The following CACNA1E variants were observed in gnomAD, a reference collection of about 807,000 sequenced individuals.
CACNA1E encodes calcium voltage-gated channel subunit alpha1 E, also known as voltage-dependent R-type calcium channel subunit alpha-1E.
Under a neutral mutation model 259.2 loss-of-function variants are expected in CACNA1E, and 40 were observed. That is an observed-to-expected ratio of 0.15 (90% CI 0.12 to 0.20). The LOEUF is 0.20. Among genes scored for constraint, CACNA1E ranks in the 10% least tolerant of loss-of-function variants. The pLI is 1.00. For synonymous variants in CACNA1E, 1,104 were observed against 1,138.5 expected (o/e 0.97, Z 0.61); for missense variants, 1,874 against 3,040.1 (o/e 0.62, Z 9.02).
In CACNA1E at chr1:181,800,881, A is replaced by G. The variant is rs913314343; in HGVS notation, c.*2047A>G. Reference sequence around the variant, plus strand: ...CAGCCCCCAAACCAAAGTTGTCCCAACAGAGGAGGCCAGTGAGGCAGAGAC... The same window carrying G: ...CAGCCCCCAAACCAAAGTTGTCCCAGCAGAGGAGGCCAGTGAGGCAGAGAC... On this transcript the variant is annotated 3_prime_UTR_variant, in exon 48 of 48. Transcript: ENST00000367573. 6.5e-6 allele frequency: 1 copy of G among 152,680 alleles called. No individual in the cohort carries two copies. The highest frequency in any genetic ancestry group is 2.4e-5 in the African/African-American group (1 of 41,456). The allele number at this position is 152,680 out of a possible 1,614,324, so 9.5% of individuals were successfully genotyped here. A position where few individuals can be genotyped will look rare whatever the true frequency, so the allele number is the denominator to read the frequency against.
At position 181,781,637 on chromosome 1, in the gene CACNA1E, A is replaced by G. The variant is rs1572882290; in HGVS notation, c.5364+114A>G. 8.7e-6 allele frequency: 6 copies of G among 687,798 alleles called. No homozygotes were observed. The East Asian group carries it at 1.6e-4, about 19-fold the overall frequency. 42.6% of individuals were successfully genotyped at this position (687,798 alleles called of 1,614,324 possible). ...GGCTGGGGAGGTGGAGGAGGGAACT[A>G]AGGAGGAAAGGCACGATGAGACTGA... On this transcript the variant is annotated intron_variant, in intron 39 of 47. Transcript: ENST00000367573.
At chr1:181,694,015 A>G (rs974717659) in intron 7 of CACNA1E, among the ~76,000 whole-genome samples, 4 of 152,176 alleles carry the variant, frequency 2.6e-5, no homozygotes, top group Non-Finnish European at 2.9e-5. Flanking sequence ...ACACTTCTCA[A>G]CTCATTTGAT....
At chr1:181,360,293 T>C (rs889875644) in intron 1 of CACNA1E, among the ~76,000 whole-genome samples, 2 of 152,160 alleles carry the variant, frequency 1.3e-5, no homozygotes, top group Non-Finnish European at 2.9e-5. Context: ...CAAAAACTGG[T>C]ACATGCCTGT....
At chr1:181,651,682 A>G (rs988249464) in intron 7 of CACNA1E, 2 of 352,024 alleles carry the variant, frequency 5.7e-6, no homozygotes, top group African/African-American at 4.2e-5. Flanking sequence ...TGAACACAGT[A>G]TGTAGTGAGA....
chr1:181,721,223 G>A (rs968710492), intron 15 of CACNA1E, among the ~76,000 whole-genome samples: 1 of 152,072 alleles, frequency 6.6e-6, no homozygotes, highest in Non-Finnish European at 1.5e-5. Flanking sequence ...TATTTAACAA[G>A]GTCTCTTTTC....
At chr1:181,406,386 G>C (rs982619918) in intron 1 of CACNA1E, among the ~76,000 whole-genome samples, 1 of 151,976 alleles carries the variant, frequency 6.6e-6, no homozygotes, top group African/African-American at 2.4e-5. Flanking sequence ...ACTTTATGAT[G>C]TATCTACCTT....
intron 1 of CACNA1E, among the ~76,000 whole-genome samples, chr1:181,361,552 G>T (rs1230569220): frequency 1.3e-5 from 2 of 152,146 alleles, no homozygotes; most frequent in Admixed American, 6.5e-5. Context: ...CCTGGGCAGA[G>T]GCAACATGAA....
chr1:181,482,032 G>C (rs1353911970), upstream of CACNA1E, among the ~76,000 whole-genome samples: 1 of 152,168 alleles, frequency 6.6e-6, no homozygotes, highest in Non-Finnish European at 1.5e-5. Context: ...AGGCCGCCCC[G>C]TGAGGGCAGA....
rs59257770 is a variant in CACNA1E, at chr1:181,494,437, C to T, written c.266+10427C>T. On this transcript the variant is annotated intron_variant, in intron 1 of 47. Transcript: ENST00000367573. ...AGTTAGTTTTCTCTCACTCTGTTCT[C>T]ATTCAGTTTAATTTTTGAATCTAGA... Among the ~76,000 whole-genome samples the T allele has an allele frequency of 1.9e-3, 283 of 151,438 alleles. 2 individuals carry two copies. Among genetic ancestry groups the T allele is most frequent in the African/African-American group, 6.6e-3 (273 of 41,270 alleles).
At chr1:181,543,445 A>G (rs1668748564) in intron 3 of CACNA1E, among the ~76,000 whole-genome samples, 1 of 152,172 alleles carries the variant, frequency 6.6e-6, no homozygotes, top group South Asian at 2.1e-4. Flanking sequence ...CCCCAATGTA[A>G]TGATATTTGG....
chr1:181,468,509 T>C (rs772457451), intron 2 of CACNA1E, among the ~76,000 whole-genome samples: 9 of 152,184 alleles, frequency 5.9e-5, no homozygotes, highest in Non-Finnish European at 1.2e-4. Context: ...TATTCATTCA[T>C]TTAATAAACA....
At chr1:181,746,886 A>C (rs1231326107) in intron 25 of CACNA1E, among the ~76,000 whole-genome samples, 1 of 152,194 alleles carries the variant, frequency 6.6e-6, no homozygotes, top group African/African-American at 2.4e-5. Flanking sequence ...CAGCACTATT[A>C]TTAACCGCCT....
At chr1:181,497,208 C>A (rs1664835735) in intron 1 of CACNA1E, among the ~76,000 whole-genome samples, 2 of 152,166 alleles carry the variant, frequency 1.3e-5, no homozygotes, top group Admixed American at 1.3e-4. Flanking sequence ...CAAATGCCCA[C>A]TCAGAAAGAC....
intron 3 of CACNA1E, among the ~76,000 whole-genome samples, chr1:181,563,192 A>G (rs1479813569): frequency 6.6e-6 from 1 of 152,208 alleles, no homozygotes; most frequent in East Asian, 1.9e-4. Context: ...CTTTGCAAGT[A>G]TGGGGAACTG....
chr1:181,689,988 C>T (rs189161249), intron 7 of CACNA1E, among the ~76,000 whole-genome samples: 11 of 152,280 alleles, frequency 7.2e-5, no homozygotes, highest in Admixed American at 2.6e-4. Flanking sequence ...GATTAGATCA[C>T]GTTGGTCAAT....
At chr1:181,603,262 C>T (rs1312791670) in intron 6 of CACNA1E, among the ~76,000 whole-genome samples, 2 of 152,204 alleles carry the variant, frequency 1.3e-5, no homozygotes, top group African/African-American at 4.8e-5. Flanking sequence ...AGTTAATTTT[C>T]CCAATAGCCC....
intron 2 of CACNA1E, among the ~76,000 whole-genome samples, chr1:181,429,990 G>A (rs576813594): frequency 3.3e-5 from 5 of 152,206 alleles, no homozygotes; most frequent in Non-Finnish European, 7.3e-5. Flanking sequence ...GCCTTTTTCA[G>A]GAGCAAATCC....
intron 2 of CACNA1E, among the ~76,000 whole-genome samples, chr1:181,428,039 C>G (rs951074204): frequency 1.3e-5 from 2 of 152,138 alleles, no homozygotes; most frequent in East Asian, 3.9e-4. Flanking sequence ...CAGTTACCAG[C>G]TGTGCTGTAG....
At chr1:181,626,420 A>G (rs955754429) in intron 6 of CACNA1E, among the ~76,000 whole-genome samples, 2 of 152,218 alleles carry the variant, frequency 1.3e-5, no homozygotes, top group African/African-American at 4.8e-5. Context: ...AAGCCAGGTT[A>G]GAGAATTCTG....
Sources: gnomAD v4.1 joint callset for allele counts (sites outside exome capture counted in the v4.1 genomes callset) on GRCh38, gnomAD v4.1.1 for gene constraint, MANE v1.5 for transcripts, NCBI Gene and HGNC (gene_info 2026-07-23, HGNC 2026-07-21) for gene names.